Variants in CD109 observed in about 807,000 individuals in gnomAD.
The protein encoded by CD109 is CD109 molecule.
Under a neutral mutation model 165.8 loss-of-function variants are expected in CD109, and 149 were observed. That is an observed-to-expected ratio of 0.90 (90% confidence interval 0.79 to 1.03). The LOEUF (loss-of-function observed/expected upper bound fraction) is 1.03. Ranked by LOEUF, CD109 falls within the 50% of genes least tolerant of loss-of-function variation. The pLI, the probability that CD109 is intolerant of heterozygous loss-of-function variation, is 0.00. For synonymous variants in CD109, 585 were observed against 592.1 expected, an observed-to-expected ratio of 0.99 and a Z score of 0.18; for missense variants, 1,712 against 1,677.8, an observed-to-expected ratio of 1.02 and a Z score of -0.36.
chr6:73,757,030 AT>A (rs1281183574), intron 6 of CD109, among the ~76,000 whole-genome samples: 1 of 152,166 alleles, frequency 6.6e-6, no homozygotes, highest in Non-Finnish European at 1.5e-5. Flanking sequence ...TTTGATTGAC[AT>A]TGGTAAAGAT....
chr6:73,759,763 A>C (rs550346497), intron 7 of CD109, among the ~76,000 whole-genome samples: 5 of 152,280 alleles, frequency 3.3e-5, no homozygotes, highest in South Asian at 2.1e-4. Context: ...CTTTTATTTA[A>C]TCTTTAGCAC....
At chr6:73,723,955 T>C (rs1772047065) in intron 3 of CD109, among the ~76,000 whole-genome samples, 1 of 152,134 alleles carries the variant, frequency 6.6e-6, no homozygotes, top group Non-Finnish European at 1.5e-5. Flanking sequence ...GTAATGAGCC[T>C]TCTAGTGTGG....
At chr6:73,818,739 C>G (rs780443557) in intron 31 of CD109, among the ~76,000 whole-genome samples, 1 of 152,128 alleles carries the variant, frequency 6.6e-6, no homozygotes, top group Admixed American at 6.5e-5. Flanking sequence ...CTATTAATGA[C>G]GAGCCTGATG....
intron 29 of CD109, among the ~76,000 whole-genome samples, chr6:73,813,228 A>G (rs973021372): frequency 2.6e-5 from 4 of 152,144 alleles, no homozygotes; most frequent in Admixed American, 6.6e-5. Context: ...ATTTATTTCG[A>G]TCTTTACTAA....
chr6:73,780,357 T>C, intron 15 of CD109, 67 bp from the exon 16 acceptor site: 1 of 934,370 alleles, frequency 1.1e-6, no homozygotes, highest in Non-Finnish European at 1.8e-6. Context: ...CTTATCTAAG[T>C]TACTTGGAAG....
upstream of CD109, among the ~76,000 whole-genome samples, chr6:73,692,169 T>C (rs1408530184): frequency 6.6e-6 from 1 of 152,050 alleles, no homozygotes; most frequent in Admixed American, 6.6e-5. Context: ...ACCTCCGAAA[T>C]TGGGGATTTG....
At chr6:73,704,951 C>T (rs902817079) in intron 2 of CD109, among the ~76,000 whole-genome samples, 1 of 152,160 alleles carries the variant, frequency 6.6e-6, no homozygotes, top group Non-Finnish European at 1.5e-5. Flanking sequence ...ACTTCCAGAG[C>T]TATACAGATG....
intron 29 of CD109, 47 bp downstream of exon 29, chr6:73,812,317 A>G (rs761435955): frequency 8.0e-7 from 1 of 1,243,466 alleles, no homozygotes; most frequent in Middle Eastern, 1.9e-4. Context: ...ACTTTTTATA[A>G]TAATTATTTG....
chr6:73,751,779 G>T (rs1447074128), intron 5 of CD109, among the ~76,000 whole-genome samples: 7 of 152,194 alleles, frequency 4.6e-5, no homozygotes, highest in Admixed American at 3.3e-4. Context: ...GCCCCAGGGT[G>T]GGGTGAGTGC....
chr6:73,779,716 T>G lies in CD109; in HGVS notation c.1828-708T>G, dbSNP rs143967165. 3.0e-4 allele frequency among the ~76,000 whole-genome samples: 46 copies of G among 152,278 alleles called. 1 individual carries two copies. The East Asian group carries it at 8.9e-3, about 29-fold the overall frequency. On this transcript the variant is annotated intron_variant, in intron 15 of 32. Coordinates refer to ENST00000287097, the MANE Select transcript of CD109 (RefSeq NM_133493.5). ...TACAAGTATCTCTTGGAGTTACTGTTTTCAGTCCTTTTGTGTATATACCTA... is the reference window on the plus strand; with the variant it reads ...TACAAGTATCTCTTGGAGTTACTGTGTTCAGTCCTTTTGTGTATATACCTA...
At chr6:73,746,989 T>G (rs1773006030) in intron 5 of CD109, among the ~76,000 whole-genome samples, 1 of 152,208 alleles carries the variant, frequency 6.6e-6, no homozygotes, top group Non-Finnish European at 1.5e-5. Context: ...AACACAGTCA[T>G]CAGATGGGAA....
At chr6:73,706,048 T>C (rs1371425290) in intron 2 of CD109, among the ~76,000 whole-genome samples, 6 of 151,996 alleles carry the variant, frequency 3.9e-5, no homozygotes, top group African/African-American at 1.4e-4. Flanking sequence ...AAGTGGATTA[T>C]CCTTAAAAAA....
intron 30 of CD109, among the ~76,000 whole-genome samples, chr6:73,815,940 C>T (rs1775921857): frequency 6.6e-6 from 1 of 152,138 alleles, no homozygotes. Flanking sequence ...GCTGTTTGCT[C>T]TTCTAAAATA....
In CD109 at chr6:73,826,762, C is replaced by T. The variant is rs1776288536; in HGVS notation, c.*3129C>T. ...TCTGTTACCTAGGAGATGTTACTTACATATGTAATACTGTATCCTGCACGT... is the reference window on the plus strand; with the variant it reads ...TCTGTTACCTAGGAGATGTTACTTATATATGTAATACTGTATCCTGCACGT... On this transcript the variant is annotated 3_prime_UTR_variant, in exon 33 of 33. Coordinates refer to ENST00000287097, the MANE Select transcript of CD109 (RefSeq NM_133493.5). 6.6e-6 allele frequency: 1 copy of T among 151,762 alleles called. No homozygotes were observed. The highest frequency in any genetic ancestry group is 2.4e-5 in the African/African-American group (1 of 41,316). 9.4% of individuals were successfully genotyped at this position (151,762 alleles called of 1,614,324 possible).
intron 5 of CD109, among the ~76,000 whole-genome samples, chr6:73,737,895 T>A (rs1772607466): frequency 6.6e-6 from 1 of 152,184 alleles, no homozygotes; most frequent in South Asian, 2.1e-4. Context: ...GAATATTATT[T>A]TCAGTTCCCA....
chr6:73,722,647 C>T lies in CD109; in HGVS notation c.248-604C>T, dbSNP rs564901178. Among the ~76,000 whole-genome samples, 10 of 152,248 alleles carry T rather than the reference C, an allele frequency of 6.6e-5. 1 individual carries two copies. Among genetic ancestry groups the T allele is most frequent in the South Asian group, 2.1e-4 (1 of 4,816 alleles). ...TTATTTCCCAAGGGCCTGCCATCTTCGATAGGAACTTTGGACAAGTTCTCT... is the reference window on the plus strand; with the variant it reads ...TTATTTCCCAAGGGCCTGCCATCTTTGATAGGAACTTTGGACAAGTTCTCT... On this transcript the variant is annotated intron_variant, in intron 2 of 32. Transcript: ENST00000287097.
At chr6:73,737,699 T>G (rs1453172137) in intron 5 of CD109, among the ~76,000 whole-genome samples, 1 of 152,142 alleles carries the variant, frequency 6.6e-6, no homozygotes, top group Non-Finnish European at 1.5e-5. Context: ...TATCTGAGCT[T>G]GTAGAGAAAG....
chr6:73,783,937 G>T, intron 19 of CD109, 113 bp downstream of exon 19: 1 of 620,740 alleles, frequency 1.6e-6, no homozygotes. Flanking sequence ...ACAGTTTAGA[G>T]ATTCCTTGGC....
intron 20 of CD109, among the ~76,000 whole-genome samples, chr6:73,787,019 C>T (rs1298669869): frequency 6.6e-6 from 1 of 152,042 alleles, no homozygotes; most frequent in Non-Finnish European, 1.5e-5. Context: ...TGAAGATCGC[C>T]CTTTCCCCAT....
Sources: gnomAD v4.1 joint callset for allele counts (sites outside exome capture counted in the v4.1 genomes callset) on GRCh38, gnomAD v4.1.1 for gene constraint, MANE v1.5 for transcripts, NCBI Gene and HGNC (gene_info 2026-07-23, HGNC 2026-07-21) for gene names.